Variants in ZNF43 observed in about 807,000 individuals in gnomAD.
The protein encoded by ZNF43 is zinc finger protein 43.
Under a neutral mutation model 68.4 loss-of-function variants are expected in ZNF43, and 44 were observed. The ratio of observed to expected loss-of-function variants is 0.64; its 90% confidence interval spans 0.51 to 0.83. The LOEUF is 0.83. ZNF43 is among the 40% of genes least tolerant of loss of function. The pLI, the probability that ZNF43 is intolerant of heterozygous loss-of-function variation, is 0.00. For synonymous variants in ZNF43, 308 were observed against 307.8 expected (o/e 1.00, Z -0.01); for missense variants, 896 against 933.2 (o/e 0.96, Z 0.52).
chr19:21,827,394 T>C (rs2038188279), intron 1 of ZNF43: 1 of 151,194 alleles, frequency 6.6e-6, no homozygotes. Context: ...GAAGTTTCCC[T>C]CTTGTTGCCC....
rs538230873 is a variant in ZNF43, at chr19:21,848,857, T to C, written c.30+3048A>G. On this transcript the variant is annotated intron_variant, in intron 1 of 3. Coordinates refer to the ZNF43 transcript ENST00000357491. The stretch of plus-strand genomic sequence containing the variant: ...GAGCCTCCATCTCTCTTGTGAGCTG[T>C]GTTCGCTCTGGCCCTCAGCCCAGGT... Among the ~76,000 whole-genome samples the C allele has an allele frequency of 2.7e-5, 4 of 145,474 alleles. No individual in the cohort carries two copies. In the East Asian group the frequency reaches 6.0e-4, roughly 22 times the overall value.
chr19:21,817,147 G>A lies in ZNF43; in HGVS notation c.229+741C>T, dbSNP rs1334963340. Among the ~76,000 whole-genome samples, 12 of 150,982 alleles carry A rather than the reference G, an allele frequency of 7.9e-5. No homozygotes were observed. The East Asian group carries it at 2.2e-3, about 27-fold the overall frequency. On this transcript the variant is annotated intron_variant, in intron 3 of 3. Coordinates refer to ENST00000354959, the MANE Select transcript of ZNF43 (RefSeq NM_003423.4). ...ATCCCATCTACTCGGGAGGCTGAGA[G>A]AGAAGGCAGAGGTTGCAGTGAGCCG...
intron 1 of ZNF43, among the ~76,000 whole-genome samples, chr19:21,845,147 G>A (rs1290606506): frequency 6.6e-6 from 1 of 151,520 alleles, no homozygotes; most frequent in African/African-American, 2.4e-5. Context: ...CACCACCTGG[G>A]TGCAGGGCCC....
At chr19:21,824,914 CAG>C (rs2038041190) in intron 1 of ZNF43, among the ~76,000 whole-genome samples, 1 of 151,990 alleles carries the variant, frequency 6.6e-6, no homozygotes, top group African/African-American at 2.4e-5. Flanking sequence ...AAAAGAGGGG[CAG>C]AGAGTGGACT....
Position 21,835,858 on chromosome 19 carries a change from G to A in ZNF43, c.3+178C>T, listed in dbSNP as rs201072708. On this transcript the variant is annotated intron_variant, in intron 1 of 3. Transcript: ENST00000354959. ...GGCCGGGACACAGTCACTGCGCAGAGAAGAGACAGGACGCCCGGGGCTGCC... is the reference window on the plus strand; with the variant it reads ...GGCCGGGACACAGTCACTGCGCAGAAAAGAGACAGGACGCCCGGGGCTGCC... Among the ~76,000 whole-genome samples the A allele has an allele frequency of 2.0e-5, 3 of 152,320 alleles. No homozygotes were observed. The East Asian group carries it at 5.8e-4, about 30-fold the overall frequency.
At chr19:21,814,315 A>G (rs2037417221) in intron 3 of ZNF43, among the ~76,000 whole-genome samples, 1 of 152,120 alleles carries the variant, frequency 6.6e-6, no homozygotes, top group South Asian at 2.1e-4. Context: ...AAAATAATAT[A>G]TACAAGATAA....
chr19:21,843,373 T>A (rs1409808096), intron 1 of ZNF43: 1 of 985,258 alleles, frequency 1.0e-6, no homozygotes, highest in Non-Finnish European at 1.2e-6. Context: ...TCACGTGTCT[T>A]CATTCTAGGT....
At chr19:21,835,927 G>T in intron 1 of ZNF43, 109 bp downstream of exon 1, 1 of 1,578,924 alleles carries the variant, frequency 6.3e-7, no homozygotes, top group Non-Finnish European at 8.7e-7. Flanking sequence ...GATTGAGGCC[G>T]AGCTGGGCAA....
intron 1 of ZNF43, chr19:21,827,133 CAAG>C (rs2038173714): frequency 6.6e-6 from 1 of 152,078 alleles, no homozygotes; most frequent in Non-Finnish European, 1.5e-5. Context: ...ACTCTCAGCA[CAAG>C]AAACATGAGC....
intron 1 of ZNF43, among the ~76,000 whole-genome samples, chr19:21,844,921 A>AATATATAT (rs1181354510): frequency 0.012 from 306 of 26,006 alleles, 4 homozygotes; most frequent in African/African-American, 0.017. Context: ...AAAAAAAAAA[A>AATATATAT]ATATATATAT....
chr19:21,834,162 A>G lies in ZNF43; in HGVS notation c.3+1874T>C, dbSNP rs544973177. Among the ~76,000 whole-genome samples, 466 of 151,694 alleles carry G rather than the reference A, an allele frequency of 3.1e-3. 3 individuals are homozygous for G. Among genetic ancestry groups the G allele is most frequent in the African/African-American group, 0.011 (448 of 41,344 alleles). On this transcript the variant is annotated intron_variant, in intron 1 of 3. Coordinates refer to ENST00000354959, the MANE Select transcript of ZNF43 (RefSeq NM_003423.4). ...AGACCAGCCTGGTCAACATGGAAAA[A>G]CCTTGTCTCTAACAAAAATACAAAA...
chr19:21,822,911 A>G (rs2037927430), intron 1 of ZNF43, among the ~76,000 whole-genome samples: 1 of 152,116 alleles, frequency 6.6e-6, no homozygotes, highest in South Asian at 2.1e-4. Flanking sequence ...AGTTTGTGTA[A>G]TTTTAATCTT....
intron 1 of ZNF43, among the ~76,000 whole-genome samples, chr19:21,831,479 A>G (rs1396289400): frequency 1.3e-5 from 2 of 152,174 alleles, no homozygotes; most frequent in East Asian, 3.9e-4. Context: ...CTCCAGCCTC[A>G]GCCTCCTGAG....
chr19:21,819,275 A>G (rs903931469), intron 1 of ZNF43, 54 bp from the exon 2 acceptor site: 4 of 1,490,746 alleles, frequency 2.7e-6, no homozygotes, highest in Non-Finnish European at 3.6e-6. Flanking sequence ...AAGTGGCCAC[A>G]GGCAGAATTT....
At chr19:21,824,712 T>C (rs778575667) in intron 1 of ZNF43, among the ~76,000 whole-genome samples, 2 of 135,108 alleles carry the variant, frequency 1.5e-5, no homozygotes, top group Non-Finnish European at 3.1e-5. Context: ...CTGTAGCACA[T>C]TTAAAATAAT....
At chr19:21,836,552 A>G (rs2038751004), upstream of ZNF43, among the ~76,000 whole-genome samples, 1 of 152,220 alleles carries the variant, frequency 6.6e-6, no homozygotes, top group Admixed American at 6.6e-5. Flanking sequence ...AGTAGGAAGT[A>G]TTACAAACAT....
At chr19:21,841,873 T>G (rs1260475955) in intron 1 of ZNF43, among the ~76,000 whole-genome samples, 1 of 152,238 alleles carries the variant, frequency 6.6e-6, no homozygotes, top group African/African-American at 2.4e-5. Flanking sequence ...GGTGTTGGAC[T>G]AGCCATATTT....
intron 2 of ZNF43, among the ~76,000 whole-genome samples, chr19:21,818,228 A>C (rs967671746): frequency 6.6e-6 from 1 of 151,644 alleles, no homozygotes; most frequent in Non-Finnish European, 1.5e-5. Context: ...TCAGTCTCCC[A>C]AGTAGTTGGG....
chr19:21,830,299 AAAACAAAC>A (rs200839858), intron 1 of ZNF43, among the ~76,000 whole-genome samples: 4 of 151,826 alleles, frequency 2.6e-5, no homozygotes, highest in African/African-American at 7.3e-5. Flanking sequence ...AACAAAACAA[AAAACAAAC>A]AAACAAACAA....
Sources: allele counts gnomAD v4.1 joint callset (sites outside exome capture counted in the v4.1 genomes callset), GRCh38; gene constraint gnomAD v4.1.1; transcripts MANE v1.5; gene names NCBI Gene and HGNC (gene_info 2026-07-23, HGNC 2026-07-21).